AGBL2: variants seen among roughly 807,000 people sequenced by gnomAD.
AGBL2 encodes cytosolic carboxypeptidase 2.
A neutral mutation model predicts 103.0 loss-of-function variants in AGBL2; 87 were observed. That is an observed-to-expected ratio of 0.84 (90% confidence interval 0.71 to 1.01). The LOEUF is 1.01. Ranked by LOEUF, AGBL2 falls within the 50% of genes least tolerant of loss-of-function variation. The pLI is 0.00. For synonymous variants in AGBL2, 335 were observed against 356.7 expected (o/e 0.94, Z 0.69); for missense variants, 904 against 1,023.5 (o/e 0.88, Z 1.59).
chr11:47,710,682 G>A (rs2097534133), intron 3 of AGBL2, 171 bp from the exon 4 acceptor site: 1 of 771,796 alleles, frequency 1.3e-6, no homozygotes, highest in Admixed American at 2.1e-5. Flanking sequence ...TGTGAGTGAA[G>A]CATAATTATC....
In AGBL2 at chr11:47,713,146, C is replaced by A. The variant is rs1306692480; in HGVS notation, c.97+1138G>T. Among the ~76,000 whole-genome samples the A allele has an allele frequency of 2.6e-5, 4 of 151,898 alleles. No homozygotes were observed. In the East Asian group the frequency reaches 7.7e-4, roughly 29 times the overall value. On this transcript the variant is annotated intron_variant, in intron 3 of 18. Transcript: ENST00000525123. ...CCTGAGGTCAGGAGTTCAAGACCAG[C>A]CTGGCCAACATGTTGAAACCCCGTC...
rs35161992 is a variant in AGBL2, at chr11:47,698,168, A to ATTTTTT, written c.694+1272_694+1277dup. On this transcript the variant is annotated intron_variant, in intron 8 of 18. Transcript: ENST00000525123. ...TGAGCCACCAAGCCCAGTCTACATA[A>ATTTTTT]TTTTTTTTTTTTTTTTTTTTTTGAG... is the stretch of plus-strand genomic sequence containing the variant. Among the ~76,000 whole-genome samples, 17 of 79,802 alleles carry ATTTTTT rather than the reference A, an allele frequency of 2.1e-4. 1 individual carries two copies. The highest frequency in any genetic ancestry group is 6.5e-4 in the African/African-American group (12 of 18,574). The allele number at this position is 79,802 out of a possible 152,430, so 52.4% of individuals were successfully genotyped here. A position where few individuals can be genotyped will look rare whatever the true frequency, so the allele number is the denominator to read the frequency against.
chr11:47,696,133 T>C (rs1463788536), intron 8 of AGBL2, among the ~76,000 whole-genome samples: 1 of 134,746 alleles, frequency 7.4e-6, no homozygotes, highest in Non-Finnish European at 1.6e-5. Context: ...AAAGTGGAGG[T>C]TGCAGTGCCA....
intron 17 of AGBL2, 71 bp from the exon 18 acceptor site, chr11:47,663,183 T>C (rs769533684): frequency 1.5e-5 from 14 of 905,562 alleles, no homozygotes; most frequent in Non-Finnish European, 1.9e-5. Context: ...ATATACATTA[T>C]TCATTTGTTT....
chr11:47,690,055 T>C lies in AGBL2; in HGVS notation c.1631+21A>G, dbSNP rs369144430. On this transcript the variant is annotated intron_variant, in intron 10 of 18. Coordinates refer to ENST00000525123, the MANE Select transcript of AGBL2 (RefSeq NM_024783.4). The stretch of plus-strand genomic sequence containing the variant: ...AGGACTCATAGCAGTCACAGAAAGA[T>C]CAACAGATAAAAAGTCTCACCTTTT... 1.2e-4 allele frequency: 186 copies of C among 1,581,066 alleles called. 1 individual carries two copies. Among genetic ancestry groups the C allele is most frequent in the Non-Finnish European group, 1.5e-4 (179 of 1,164,876 alleles).
chr11:47,698,966 C>CAA (rs5791781), intron 8 of AGBL2, among the ~76,000 whole-genome samples: 9 of 117,562 alleles, frequency 7.7e-5, no homozygotes, highest in South Asian at 2.8e-4. Flanking sequence ...GTAGGAATGG[C>CAA]AAAAAAAAAA....
Position 47,710,443 on chromosome 11 carries a change from A to G in AGBL2, c.166T>C (p.Leu56=), listed in dbSNP as rs753638820. ...TCTTTTTCCCCAAGAGAGCCATTCA[A>G]CAGGCATTGAGGGTTATTCTTCCGA... ...HVRKNNPQCL[L]NGSLGEKDDL... is the part of the protein sequence containing the mutation. The change falls in exon 4 of 19, where the codon TTG becomes CTG. Residue 56 remains leucine (L), a synonymous_variant. Transcript: ENST00000525123. 133 of 1,614,056 alleles carry G rather than the reference A, an allele frequency of 8.2e-5. No individual in the cohort carries two copies. The highest frequency in any genetic ancestry group is 1.1e-4 in the Non-Finnish European group (126 of 1,180,034).
At chr11:47,680,665 G>A (rs551569170) in intron 12 of AGBL2, among the ~76,000 whole-genome samples, 2 of 151,880 alleles carry the variant, frequency 1.3e-5, no homozygotes, top group African/African-American at 4.8e-5. Context: ...TATAGTCCCA[G>A]CTACTCAGGA....
chr11:47,670,232 C>G (rs574042180), intron 14 of AGBL2, among the ~76,000 whole-genome samples: 2 of 152,328 alleles, frequency 1.3e-5, no homozygotes, highest in South Asian at 4.1e-4. Context: ...CTAACAGGTA[C>G]TCTGAAGAAA....
At chr11:47,674,183 AC>A (rs981997498) in intron 14 of AGBL2, among the ~76,000 whole-genome samples, 10 of 152,120 alleles carry the variant, frequency 6.6e-5, no homozygotes, top group Admixed American at 2.6e-4. Context: ...AAAGTAGAGC[AC>A]CTAAGGGGGA....
rs984919058 is a variant in AGBL2, at chr11:47,709,465, A to C, written c.232+912T>G. ...CTGGATTCCTCCCCTTGGATTTTAG[A>C]AGAAACCTGTGTCTCTGCAAAAAAT... On this transcript the variant is annotated intron_variant, in intron 4 of 18. Transcript: ENST00000525123. 3.9e-5 allele frequency among the ~76,000 whole-genome samples: 6 copies of C among 152,280 alleles called. No individual in the cohort carries two copies. In the East Asian group the frequency reaches 1.2e-3, roughly 29 times the overall value.
Position 47,690,297 on chromosome 11 carries a change from C to T in AGBL2, c.1410G>A (p.Trp470Ter). ...TGAAGTCCAAAAAGCCTTTCATAACCCAGGAGCCATTACTTTCTCCAGGGT... is the reference window on the plus strand; with the variant it reads ...TGAAGTCCAAAAAGCCTTTCATAACTCAGGAGCCATTACTTTCTCCAGGGT... ...RVHPGESNGS[W>*]VMKGFLDFIL... The change falls in exon 10 of 19, where the codon TGG (tryptophan) becomes TGA (stop). Residue 470 changes from tryptophan (W) to a stop codon, truncating the protein, a stop_gained. Coordinates refer to ENST00000525123, the MANE Select transcript of AGBL2 (RefSeq NM_024783.4). LOFTEE classifies it high-confidence loss of function. 1 of 1,613,666 alleles carries T rather than the reference C, an allele frequency of 6.2e-7. No homozygotes were observed.
intron 14 of AGBL2, among the ~76,000 whole-genome samples, chr11:47,674,688 T>A (rs1210142206): frequency 6.6e-6 from 1 of 151,800 alleles, no homozygotes; most frequent in African/African-American, 2.4e-5. Flanking sequence ...GATACTGAAG[T>A]GCTTTCAACA....
chr11:47,672,765 T>C (rs2097361394), intron 14 of AGBL2, among the ~76,000 whole-genome samples: 1 of 151,990 alleles, frequency 6.6e-6, no homozygotes, highest in South Asian at 2.1e-4. Context: ...CCCAAAGAAA[T>C]ATTTGTGAGA....
chr11:47,663,372 TTAC>T (rs781357590), intron 17 of AGBL2, among the ~76,000 whole-genome samples: 29 of 152,176 alleles, frequency 1.9e-4, no homozygotes, highest in Admixed American at 6.6e-4. Context: ...GTAGATATTA[TTAC>T]CTCAGTATTT....
intron 8 of AGBL2, among the ~76,000 whole-genome samples, chr11:47,695,009 G>A (rs950473348): frequency 6.6e-6 from 1 of 151,940 alleles, no homozygotes; most frequent in African/African-American, 2.4e-5. Flanking sequence ...AATTAGCCAG[G>A]TGTGATGGCG....
At chr11:47,662,298 C>G (rs1476062766) in intron 18 of AGBL2, among the ~76,000 whole-genome samples, 1 of 151,524 alleles carries the variant, frequency 6.6e-6, no homozygotes, top group Admixed American at 6.6e-5. Flanking sequence ...CTCAGCCTCC[C>G]GAGTAGCTGG....
chr11:47,709,968 C>A (rs901984513), intron 4 of AGBL2, among the ~76,000 whole-genome samples: 4 of 151,994 alleles, frequency 2.6e-5, no homozygotes, highest in African/African-American at 7.3e-5. Context: ...CGGCTCATTG[C>A]AACCTCCGCC....
chr11:47,668,952 A>G, intron 14 of AGBL2, 45 bp from the exon 15 acceptor site: 3 of 1,365,868 alleles, frequency 2.2e-6, no homozygotes, highest in Non-Finnish European at 2.1e-6. Context: ...TGTCATTGAT[A>G]TGTCTAGGAA....
Sources: allele counts gnomAD v4.1 joint callset (sites outside exome capture counted in the v4.1 genomes callset), GRCh38; gene constraint gnomAD v4.1.1; transcripts MANE v1.5; gene names NCBI Gene and HGNC (gene_info 2026-07-23, HGNC 2026-07-21).